Variants in PCDHGA12 observed in about 807,000 individuals in gnomAD.
The protein encoded by PCDHGA12 is protocadherin gamma subfamily A, 12.
A neutral mutation model predicts 61.1 loss-of-function variants in PCDHGA12; 43 were observed. The ratio of observed to expected loss-of-function variants is 0.70; its 90% confidence interval spans 0.55 to 0.91. The LOEUF is 0.91. PCDHGA12 is among the 40% of genes least tolerant of loss of function. The pLI, the probability that PCDHGA12 is intolerant of heterozygous loss-of-function variation, is 0.00. For synonymous variants in PCDHGA12, 520 were observed against 542.9 expected, an observed-to-expected ratio of 0.96 and a Z score of 0.59; for missense variants, 1,236 against 1,227.7, an observed-to-expected ratio of 1.01 and a Z score of -0.10.
chr5:141,497,954 G>A (rs1203635313), intron 2 of PCDHGA12, among the ~76,000 whole-genome samples: 7 of 152,198 alleles, frequency 4.6e-5, no homozygotes, highest in Non-Finnish European at 1.5e-5. Context: ...CTTTCTGTTG[G>A]CCAGGCAGTG....
chr5:141,453,680 A>G (rs1466590010), intron 1 of PCDHGA12, among the ~76,000 whole-genome samples: 1 of 152,220 alleles, frequency 6.6e-6, no homozygotes, highest in Non-Finnish European at 1.5e-5. Context: ...GTAACACACT[A>G]TGTAGGTAGT....
intron 3 of PCDHGA12, among the ~76,000 whole-genome samples, chr5:141,510,204 C>T (rs1403130911): frequency 1.3e-5 from 2 of 150,304 alleles, no homozygotes; most frequent in Admixed American, 1.3e-4. Flanking sequence ...GCCCAGGAGG[C>T]AGAGGTTGCA....
intron 1 of PCDHGA12, among the ~76,000 whole-genome samples, chr5:141,482,944 G>A (rs1362136222): frequency 6.6e-6 from 1 of 152,094 alleles, no homozygotes; most frequent in Non-Finnish European, 1.5e-5. Context: ...GTGGTTGTGG[G>A]TGCCTGTAAT....
At position 141,432,181 on chromosome 5, in the gene PCDHGA12, G is replaced by A. The variant is rs1443322706; in HGVS notation, c.1422G>A (p.Val474=). 3.7e-6 allele frequency: 6 copies of A among 1,614,116 alleles called. No homozygotes were observed. In the South Asian group the frequency reaches 6.6e-5, roughly 18 times the overall value. Residue 474 remains valine (V), a synonymous_variant, in exon 1 of 4, where the codon GTG becomes GTA. Coordinates refer to ENST00000252085, the MANE Select transcript of PCDHGA12 (RefSeq NM_003735.3). This position sits in a 1 kb window ranked among gnomAD's most constrained non-coding sequence, Gnocchi z 6.0. ...CCAGAGGAGTTTCCCTCGTCTCTGTGACCGCCCACGACCCCGACTGTGAAG... is the reference window on the plus strand; with the variant it reads ...CCAGAGGAGTTTCCCTCGTCTCTGTAACCGCCCACGACCCCGACTGTGAAG... ...NNPRGVSLVS[V]TAHDPDCEEN... is the part of the protein sequence containing the mutation.
In PCDHGA12 at chr5:141,432,088, A is replaced by T. The variant is rs144317211; in HGVS notation, c.1329A>T (p.Ala443=). The T allele has an allele frequency of 2.9e-5, 47 of 1,614,148 alleles. No individual in the cohort carries two copies. In the African/African-American group the frequency reaches 5.7e-4, roughly 20 times the overall value. Residue 443 remains alanine, a synonymous_variant, in exon 1 of 4, where the codon GCA becomes GCT. Transcript: ENST00000252085. This position sits in a 1 kb window ranked among gnomAD's most constrained non-coding sequence, Gnocchi z 6.0. Reference sequence around the variant, plus strand: ...AAACTCATATCTCGCTGAACGTGGCAGACACCAACGACAACCCGCCGGTCT... The same window carrying T: ...AAACTCATATCTCGCTGAACGTGGCTGACACCAACGACAACCCGCCGGTCT... ...STETHISLNV[A]DTNDNPPVFP...
intron 1 of PCDHGA12, among the ~76,000 whole-genome samples, chr5:141,464,240 G>A (rs1396190870): frequency 1.3e-5 from 2 of 150,444 alleles, no homozygotes; most frequent in Non-Finnish European, 2.9e-5. Context: ...ACTCCAGCCT[G>A]GGCTACAGAG....
At chr5:141,503,309 A>G (rs2099819130) in intron 2 of PCDHGA12, among the ~76,000 whole-genome samples, 1 of 152,034 alleles carries the variant, frequency 6.6e-6, no homozygotes, top group Non-Finnish European at 1.5e-5. Flanking sequence ...TCAAGAAAGA[A>G]TTGTTGGAGG....
chr5:141,460,783 T>G (rs1000959104), intron 1 of PCDHGA12, among the ~76,000 whole-genome samples: 1 of 152,030 alleles, frequency 6.6e-6, no homozygotes, highest in Non-Finnish European at 1.5e-5. Flanking sequence ...TGTATACATA[T>G]ATACACACAA....
In PCDHGA12 at chr5:141,490,823, A is replaced by T. The variant is rs1340589166; in HGVS notation, c.2425-3984A>T. ...CGTACCTTTGACTATGAATTGCTGC[A>T]GATGCTGCAGATTGTGGTGGGGGTT... On this transcript the variant is annotated intron_variant, in intron 1 of 3. Transcript: ENST00000252085. This position sits in a 1 kb window ranked among gnomAD's most constrained non-coding sequence, Gnocchi z 5.4. 13 of 1,613,928 alleles carry T rather than the reference A, an allele frequency of 8.1e-6. No individual in the cohort carries two copies. Among genetic ancestry groups the T allele is most frequent in the Non-Finnish European group, 9.3e-6 (11 of 1,179,864 alleles).
chr5:141,470,911 G>C (rs1208467445), intron 1 of PCDHGA12, among the ~76,000 whole-genome samples: 1 of 151,916 alleles, frequency 6.6e-6, no homozygotes, highest in African/African-American at 2.4e-5. Context: ...AGATGGGACT[G>C]TCCCTATGTT....
At position 141,487,116 on chromosome 5, in the gene PCDHGA12, A is replaced by G. The variant is rs749256818; in HGVS notation, c.2425-7691A>G. On this transcript the variant is annotated intron_variant, in intron 1 of 3. Transcript: ENST00000252085. This position sits in a 1 kb window ranked among gnomAD's most constrained non-coding sequence, Gnocchi z 5.0. ...CCACAGAAGCTGGTCATTGTGGTAA[A>G]GGATAGTGGTAGTCCACCACTCTCT... The G allele has an allele frequency of 3.1e-6, 5 of 1,614,022 alleles. No individual in the cohort carries two copies.
intron 1 of PCDHGA12, among the ~76,000 whole-genome samples, chr5:141,480,187 T>TGAGGCCAGCAGTTC (rs2099513839): frequency 6.6e-6 from 1 of 151,380 alleles, no homozygotes; most frequent in Admixed American, 6.6e-5. Context: ...GCGGATTGCT[T>TGAGGCCAGCAGTTC]GAGGCCAGCA....
intron 1 of PCDHGA12, among the ~76,000 whole-genome samples, chr5:141,450,503 T>G (rs1196541899): frequency 3.3e-5 from 5 of 152,258 alleles, no homozygotes; most frequent in Admixed American, 6.5e-5. Context: ...TTGTTTGTTT[T>G]GAGATGGAGT....
At chr5:141,466,583 C>T (rs2099125595) in intron 1 of PCDHGA12, among the ~76,000 whole-genome samples, 1 of 152,184 alleles carries the variant, frequency 6.6e-6, no homozygotes, top group Admixed American at 6.6e-5. Flanking sequence ...CTCATCCCTT[C>T]TTAAAACAAG....
chr5:141,469,618 T>C (rs1284372508), intron 1 of PCDHGA12, among the ~76,000 whole-genome samples: 1 of 152,148 alleles, frequency 6.6e-6, no homozygotes, highest in Non-Finnish European at 1.5e-5. Context: ...ATAAAATAAA[T>C]GTTTGTAGTT....
At chr5:141,501,716 A>G (rs2099810687) in intron 2 of PCDHGA12, among the ~76,000 whole-genome samples, 1 of 152,160 alleles carries the variant, frequency 6.6e-6, no homozygotes, top group African/African-American at 2.4e-5. Flanking sequence ...TAAAAAAGAC[A>G]AATATATTAC....
At chr5:141,499,689 C>CTTT (rs545067566) in intron 2 of PCDHGA12, among the ~76,000 whole-genome samples, 57 of 119,830 alleles carry the variant, frequency 4.8e-4, no homozygotes, top group Non-Finnish European at 6.2e-4. Context: ...TAACAGATGA[C>CTTT]TTTTTTTTTT....
rs376937850 is a variant in PCDHGA12 at position 141,491,097 on chromosome 5, C to T, written c.2425-3710C>T. The T allele has an allele frequency of 1.2e-6, 2 of 1,614,170 alleles. No homozygotes were observed. Among genetic ancestry groups the T allele is most frequent in the Non-Finnish European group, 1.7e-6 (2 of 1,180,018 alleles). On this transcript the variant is annotated intron_variant, in intron 1 of 3. Coordinates refer to ENST00000252085, the MANE Select transcript of PCDHGA12 (RefSeq NM_003735.3). The surrounding 1 kb of genome is among the most constrained non-coding windows in gnomAD (Gnocchi z 6.9). ...CACAGTCCACAGCCCCAGGACTGTT[C>T]CTCGTGTCTACACACACTGGTGAGG...
intron 1 of PCDHGA12, among the ~76,000 whole-genome samples, chr5:141,472,437 G>A (rs1332528325): frequency 6.6e-6 from 1 of 152,116 alleles, no homozygotes; most frequent in Non-Finnish European, 1.5e-5. Flanking sequence ...CTACTAGGGA[G>A]GCTGAGGCAG....
Sources: allele counts gnomAD v4.1 joint callset (sites outside exome capture counted in the v4.1 genomes callset), GRCh38; gene constraint gnomAD v4.1.1; non-coding constraint Gnocchi (gnomAD v3.1); transcripts MANE v1.5; gene names NCBI Gene and HGNC (gene_info 2026-07-23, HGNC 2026-07-21).